The following MACROD2 variants were observed in gnomAD, a reference collection of about 807,000 sequenced individuals.
The protein encoded by MACROD2 is ADP-ribose glycohydrolase MACROD2.
A neutral mutation model predicts 70.4 loss-of-function variants in MACROD2; 36 were observed. The ratio of observed to expected loss-of-function variants is 0.51; its 90% CI spans 0.39 to 0.68. MACROD2 has a LOEUF of 0.68. Ranked by LOEUF, MACROD2 falls within the 30% of genes least tolerant of loss-of-function variation. MACROD2 has a pLI of 0.00. For missense variants in MACROD2, 496 were observed against 538.4 expected (o/e 0.92, Z 0.78); for synonymous variants, 172 against 178.8 (o/e 0.96, Z 0.30).
At chr20:14,444,299 T>C (rs1233855780) in intron 3 of MACROD2, among the ~76,000 whole-genome samples, 2 of 152,118 alleles carry the variant, frequency 1.3e-5, no homozygotes, top group African/African-American at 2.4e-5. Flanking sequence ...AATTGCTCAA[T>C]TGAGTGGTTA....
intron 8 of MACROD2, among the ~76,000 whole-genome samples, chr20:15,728,630 G>A (rs886093724): frequency 1.8e-4 from 28 of 152,054 alleles, no homozygotes; most frequent in Admixed American, 1.4e-3. Context: ...ATCTTGGGAG[G>A]TTGTATGTTT....
At chr20:14,449,971 G>A (rs891345879) in intron 3 of MACROD2, among the ~76,000 whole-genome samples, 4 of 152,076 alleles carry the variant, frequency 2.6e-5, no homozygotes, top group Admixed American at 6.6e-5. Context: ...TTGTGACTAG[G>A]CATGGCTTAG....
intron 6 of MACROD2, among the ~76,000 whole-genome samples, chr20:15,264,978 T>G (rs1171330994): frequency 6.6e-6 from 1 of 152,208 alleles, no homozygotes; most frequent in African/African-American, 2.4e-5. Flanking sequence ...GGTATTGTTT[T>G]CTGAGCCCAA....
chr20:13,997,496 A>G (rs150132462), intron 1 of MACROD2, among the ~76,000 whole-genome samples: 5 of 152,346 alleles, frequency 3.3e-5, no homozygotes, highest in African/African-American at 9.6e-5. Flanking sequence ...TATAGTGAGT[A>G]CTTAAGAACT....
chr20:14,966,679 C>T (rs542181287), intron 5 of MACROD2, among the ~76,000 whole-genome samples: 1 of 152,318 alleles, frequency 6.6e-6, no homozygotes, highest in South Asian at 2.1e-4. Context: ...TGTTCTTGAA[C>T]TTCATGTAAA....
chr20:14,166,187 T>C (rs6033892), intron 3 of MACROD2, among the ~76,000 whole-genome samples: 1,986 of 152,284 alleles, frequency 0.013, 44 homozygotes, highest in African/African-American at 0.045. Flanking sequence ...AATAAATATT[T>C]TGTGATGGTC....
intron 3 of MACROD2, among the ~76,000 whole-genome samples, chr20:14,274,530 A>C (rs1435757772): frequency 6.6e-6 from 1 of 152,316 alleles, no homozygotes; most frequent in Non-Finnish European, 1.5e-5. Context: ...ACAAACCCAC[A>C]GCCAATATCA....
At chr20:14,304,330 A>C (rs897299392) in intron 3 of MACROD2, among the ~76,000 whole-genome samples, 2 of 152,142 alleles carry the variant, frequency 1.3e-5, no homozygotes, top group Non-Finnish European at 2.9e-5. Context: ...TGATGTGTGG[A>C]TTATACTTTC....
intron 6 of MACROD2, among the ~76,000 whole-genome samples, chr20:15,325,423 C>T (rs955405016): frequency 6.6e-6 from 1 of 152,108 alleles, no homozygotes; most frequent in Non-Finnish European, 1.5e-5. Context: ...ATGTTAAATC[C>T]TTCCTTTTTA....
At chr20:14,797,455 A>C (rs972163342) in intron 5 of MACROD2, among the ~76,000 whole-genome samples, 4 of 151,978 alleles carry the variant, frequency 2.6e-5, no homozygotes, top group African/African-American at 9.7e-5. Flanking sequence ...TGCTCCAGAC[A>C]TACTGGCCTT....
chr20:15,424,437 G>A (rs2046270999), intron 6 of MACROD2, among the ~76,000 whole-genome samples: 1 of 152,176 alleles, frequency 6.6e-6, no homozygotes. Context: ...AAAGAGTGGG[G>A]CCAAGCACAG....
intron 5 of MACROD2, among the ~76,000 whole-genome samples, chr20:14,827,019 A>G (rs759213556): frequency 3.3e-5 from 5 of 152,080 alleles, no homozygotes; most frequent in Admixed American, 1.3e-4. Context: ...ACAAAAATCA[A>G]TTCAGCACGC....
intron 8 of MACROD2, among the ~76,000 whole-genome samples, chr20:15,594,926 C>T (rs1249960101): frequency 6.6e-6 from 1 of 152,138 alleles, no homozygotes; most frequent in Non-Finnish European, 1.5e-5. Flanking sequence ...AAAAGTCCTT[C>T]TTTTTCCTAT....
At chr20:14,918,644 T>C (rs138097423) in intron 5 of MACROD2, among the ~76,000 whole-genome samples, 1 of 151,476 alleles carries the variant, frequency 6.6e-6, no homozygotes, top group Non-Finnish European at 1.5e-5. Context: ...TGGAGTTTAT[T>C]AGCAAATGAG....
At position 15,034,683 on chromosome 20, in the gene MACROD2, A is replaced by G. The variant is rs920941374; in HGVS notation, c.419-195257A>G. Among the ~76,000 whole-genome samples, 4 of 152,256 alleles carry G rather than the reference A, an allele frequency of 2.6e-5. No homozygotes were observed. The South Asian group carries it at 8.3e-4, about 31-fold the overall frequency. ...GCCCATGATATATTTTGAGTTAAAA[A>G]AATAAATACTCATAGGCACATAATT... On this transcript the variant is annotated intron_variant, in intron 5 of 17. Coordinates refer to ENST00000684519, the MANE Select transcript of MACROD2 (RefSeq NM_001351661.2).
intron 3 of MACROD2, among the ~76,000 whole-genome samples, chr20:14,274,247 T>A (rs2082228150): frequency 6.6e-6 from 1 of 152,172 alleles, no homozygotes; most frequent in African/African-American, 2.4e-5. Flanking sequence ...AAATCCTCAA[T>A]AAAATACTGG....
Position 15,700,377 on chromosome 20 carries a change from C to T in MACROD2, c.646-162368C>T, listed in dbSNP as rs2050439576. Among the ~76,000 whole-genome samples, 3 of 152,198 alleles carry T rather than the reference C, an allele frequency of 2.0e-5. No homozygotes were observed. In the South Asian group the frequency reaches 6.2e-4, roughly 31 times the overall value. Reference sequence around the variant, plus strand: ...AAGGACGCGGCACTGGCGATGGTTTCGCAGGGGCATCTGTTCCCTTGGGGC... The same window carrying T: ...AAGGACGCGGCACTGGCGATGGTTTTGCAGGGGCATCTGTTCCCTTGGGGC... On this transcript the variant is annotated intron_variant, in intron 8 of 17. Transcript: ENST00000684519.
At chr20:15,763,399 G>C (rs1208775497) in intron 8 of MACROD2, among the ~76,000 whole-genome samples, 1 of 152,192 alleles carries the variant, frequency 6.6e-6, no homozygotes, top group East Asian at 1.9e-4. Context: ...TAAGACACCA[G>C]ACAAAGGTTG....
intron 17 of MACROD2, among the ~76,000 whole-genome samples, chr20:16,047,033 A>G (rs1215309305): frequency 6.6e-6 from 1 of 152,196 alleles, no homozygotes; most frequent in African/African-American, 2.4e-5. Flanking sequence ...TGACATGCAC[A>G]GGGTCACCTG....
Sources: gnomAD v4.1 joint callset for allele counts (sites outside exome capture counted in the v4.1 genomes callset) on GRCh38, gnomAD v4.1.1 for gene constraint, MANE v1.5 for transcripts, NCBI Gene and HGNC (gene_info 2026-07-23, HGNC 2026-07-21) for gene names.